LTBP1: variants seen among roughly 807,000 people sequenced by gnomAD.
LTBP1 encodes latent transforming growth factor beta binding protein 1, also known as latent-transforming growth factor beta-binding protein 1.
A neutral mutation model predicts 207.6 loss-of-function variants in LTBP1; 129 were observed. That is an observed-to-expected ratio of 0.62 (90% CI 0.54 to 0.72). The LOEUF is 0.72. Ranked by LOEUF, LTBP1 falls within the 30% of genes least tolerant of loss-of-function variation. The pLI, the probability that LTBP1 is intolerant of heterozygous loss-of-function variation, is 0.00. For missense variants in LTBP1, 2,281 were observed against 2,217.2 expected (o/e 1.03, Z -0.58); for synonymous variants, 963 against 833.7 (o/e 1.16, Z -2.67).
At chr2:33,020,674 G>C (rs2149217701) in intron 2 of LTBP1, among the ~76,000 whole-genome samples, 1 of 152,228 alleles carries the variant, frequency 6.6e-6, no homozygotes, top group African/African-American at 2.4e-5. Context: ...AAAACACGTT[G>C]CTGGGGGATT....
At chr2:33,264,879 C>T (rs962650171) in intron 15 of LTBP1, among the ~76,000 whole-genome samples, 7 of 152,116 alleles carry the variant, frequency 4.6e-5, no homozygotes, top group Non-Finnish European at 8.8e-5. Flanking sequence ...TGAGAAATTC[C>T]AGGCCAAGGA....
intron 24 of LTBP1, among the ~76,000 whole-genome samples, chr2:33,337,087 C>T (rs1390284658): frequency 6.6e-6 from 1 of 152,148 alleles, no homozygotes; most frequent in Non-Finnish European, 1.5e-5. Flanking sequence ...TGCCTTCTTT[C>T]CATACTTGTT....
At chr2:33,015,780 G>A (rs1327076583) in intron 2 of LTBP1, among the ~76,000 whole-genome samples, 1 of 152,164 alleles carries the variant, frequency 6.6e-6, no homozygotes, top group Non-Finnish European at 1.5e-5. Context: ...GGAGGCCTCG[G>A]GAAACTTCCA....
intron 16 of LTBP1, among the ~76,000 whole-genome samples, chr2:33,274,152 A>C (rs774211117): frequency 6.6e-6 from 1 of 152,200 alleles, no homozygotes; most frequent in African/African-American, 2.4e-5. Flanking sequence ...ATTTATGTAC[A>C]TAAGACTTGA....
At chr2:33,149,254 A>G (rs199859527) in intron 5 of LTBP1, among the ~76,000 whole-genome samples, 2,432 of 150,120 alleles carry the variant, frequency 0.016, 34 homozygotes, top group East Asian at 0.025. Context: ...AAAAAAAAAA[A>G]AGAGAGGGAG....
At chr2:32,951,393 C>T (rs1174682110) in intron 2 of LTBP1, among the ~76,000 whole-genome samples, 1 of 152,174 alleles carries the variant, frequency 6.6e-6, no homozygotes, top group Non-Finnish European at 1.5e-5. Context: ...TAATGTATCT[C>T]TGAGGTGGAT....
chr2:33,236,749 AAGG>A (rs2092071197), intron 9 of LTBP1, among the ~76,000 whole-genome samples: 2 of 152,190 alleles, frequency 1.3e-5, no homozygotes, highest in African/African-American at 4.8e-5. Context: ...TGAATATTTC[AAGG>A]AGAAGTTAAT....
intron 10 of LTBP1, among the ~76,000 whole-genome samples, chr2:33,246,479 GCA>G (rs145652084): frequency 8.8e-5 from 13 of 146,932 alleles, no homozygotes; most frequent in Admixed American, 2.7e-4. Flanking sequence ...ACACGCACAC[GCA>G]CACACACACA....
At chr2:33,193,591 G>A (rs540168751) in intron 7 of LTBP1, among the ~76,000 whole-genome samples, 3 of 152,312 alleles carry the variant, frequency 2.0e-5, no homozygotes, top group African/African-American at 7.2e-5. Flanking sequence ...ATTGAATGAA[G>A]GTTCTGGCAG....
intron 31 of LTBP1, among the ~76,000 whole-genome samples, chr2:33,376,616 T>A (rs1455193569): frequency 6.6e-6 from 1 of 152,256 alleles, no homozygotes; most frequent in African/African-American, 2.4e-5. Context: ...TGTGTTTTTT[T>A]ATAATCAGTA....
chr2:33,315,747 G>T (rs185836515), intron 24 of LTBP1, among the ~76,000 whole-genome samples: 1 of 152,106 alleles, frequency 6.6e-6, no homozygotes, highest in Non-Finnish European at 1.5e-5. Context: ...ACCAAGCCTG[G>T]CCAACATGGT....
At chr2:33,309,386 C>G (rs563081428) in intron 22 of LTBP1, 48 bp from the exon 23 acceptor site, 2 of 1,375,922 alleles carry the variant, frequency 1.5e-6, no homozygotes, top group Non-Finnish European at 2.0e-6. Context: ...TCTAATTTTC[C>G]GATATGTGAT....
chr2:33,010,359 A>G (rs1027665705), intron 2 of LTBP1, among the ~76,000 whole-genome samples: 1 of 152,224 alleles, frequency 6.6e-6, no homozygotes, highest in African/African-American at 2.4e-5. Context: ...GAGGCTGGCT[A>G]GGAAGAGTGC....
chr2:33,280,306 C>A, intron 19 of LTBP1, 148 bp downstream of exon 19: 3 of 754,698 alleles, frequency 4.0e-6, no homozygotes, highest in East Asian at 3.1e-5. Flanking sequence ...TAACTTTTAA[C>A]CATTGAGAAA....
chr2:33,111,668 A>AT (rs764124785), intron 4 of LTBP1, among the ~76,000 whole-genome samples: 10 of 152,142 alleles, frequency 6.6e-5, no homozygotes, highest in Admixed American at 5.9e-4. Flanking sequence ...ATCTAAAGTG[A>AT]TTGACTCTTC....
chr2:33,002,716 C>T (rs219173), intron 2 of LTBP1, among the ~76,000 whole-genome samples: 34,434 of 151,856 alleles, frequency 0.23, 4,738 homozygotes, highest in Non-Finnish European at 0.31. Flanking sequence ...CTCACCCTGT[C>T]GCCCAGGCTG....
At position 32,969,593 on chromosome 2, in the gene LTBP1, A is replaced by G. The variant is rs140828334; in HGVS notation, c.565+20648A>G. 5.9e-5 allele frequency among the ~76,000 whole-genome samples: 9 copies of G among 152,292 alleles called. No homozygotes were observed. In the East Asian group the frequency reaches 1.7e-3, roughly 29 times the overall value. On this transcript the variant is annotated intron_variant, in intron 2 of 33. Transcript: ENST00000404816. The stretch of plus-strand genomic sequence containing the variant: ...ACCAGCTCCATCCATGTTGTTGCAA[A>G]GGACATGATCTCATTCTTTTTTAAG...
chr2:33,247,582 T>C (rs2092552689), intron 10 of LTBP1, among the ~76,000 whole-genome samples: 1 of 152,228 alleles, frequency 6.6e-6, no homozygotes, highest in South Asian at 2.1e-4. Flanking sequence ...ACAGAAATCA[T>C]ATGGCACACA....
In LTBP1 at chr2:33,217,591, T is replaced by A; in HGVS notation, c.1741T>A (p.Cys581Ser). The A allele has an allele frequency of 6.2e-7, 1 of 1,614,002 alleles. No individual in the cohort carries two copies. Among genetic ancestry groups the A allele is most frequent in the Non-Finnish European group, 8.5e-7 (1 of 1,179,912 alleles). ...CCCTGGCCTTTCAAAGCAAGAGGACTGCTGTGGAACTGTGGGTACCTCCTG... is the reference window on the plus strand; with the variant it reads ...CCCTGGCCTTTCAAAGCAAGAGGACAGCTGTGGAACTGTGGGTACCTCCTG... ...ALPGLSKQED[C>S]CGTVGTSWGF... The change falls in exon 8 of 34, where the codon TGC (cysteine) becomes AGC (serine). Residue 581 changes from cysteine to serine, a missense_variant. Physicochemically the swap from Cys to Ser is moderately radical, Grantham distance 112. This residue lies in a region of LTBP1 where 1,671 missense variants were observed against 1,634.8 expected (regional missense o/e 1.02). Coordinates refer to ENST00000404816, the MANE Select transcript of LTBP1 (RefSeq NM_206943.4).
Sources: gnomAD v4.1 joint callset for allele counts (sites outside exome capture counted in the v4.1 genomes callset) on GRCh38, gnomAD v4.1.1 for gene constraint, gnomAD v4.1.1 regional missense constraint, MANE v1.5 for transcripts, NCBI Gene and HGNC (gene_info 2026-07-23, HGNC 2026-07-21) for gene names.